The following EPC1 variants were observed in gnomAD, a reference collection of about 807,000 sequenced individuals.
The protein encoded by EPC1 is enhancer of polycomb 1, also known as enhancer of polycomb homolog 1.
A neutral mutation model predicts 98.4 loss-of-function variants in EPC1; 12 were observed. That is an observed-to-expected ratio of 0.12 (90% confidence interval 0.08 to 0.20). The LOEUF (loss-of-function observed/expected upper bound fraction) is 0.20. Among genes scored for constraint, EPC1 ranks in the 10% least tolerant of loss-of-function variants. The probability of loss-of-function intolerance (pLI) is 1.00; values close to 1 mark genes in which losing one functional copy is unlikely to be tolerated. For synonymous variants in EPC1, 357 were observed against 363.9 expected, an observed-to-expected ratio of 0.98 and a Z score of 0.21; for missense variants, 729 against 990.5, an observed-to-expected ratio of 0.74 and a Z score of 3.54.
intron 2 of EPC1, among the ~76,000 whole-genome samples, chr10:32,300,783 C>T (rs113968227): frequency 2.6e-5 from 4 of 151,970 alleles, no homozygotes; most frequent in African/African-American, 4.8e-5. Flanking sequence ...TATTGTTGTG[C>T]GAACTGTCCC....
intron 2 of EPC1, among the ~76,000 whole-genome samples, chr10:32,295,492 TTCTAGATGTTAACA>T (rs1419614386): frequency 1.3e-5 from 2 of 152,190 alleles, no homozygotes; most frequent in African/African-American, 4.8e-5. Context: ...CTATAAAAAT[TTCTAGATGTTAACA>T]TCTCTGTACT....
intron 1 of EPC1, among the ~76,000 whole-genome samples, chr10:32,372,894 G>A (rs1453720964): frequency 1.3e-5 from 2 of 152,064 alleles, no homozygotes; most frequent in East Asian, 3.9e-4. Flanking sequence ...TGTGGTGGCG[G>A]GCGCCTGTAA....
chr10:32,358,332 C>G (rs1828808116), intron 1 of EPC1, among the ~76,000 whole-genome samples: 1 of 152,092 alleles, frequency 6.6e-6, no homozygotes, highest in South Asian at 2.1e-4. Flanking sequence ...CTGAATAGTA[C>G]TTTTAAAATA....
chr10:32,343,697 G>GC (rs1554824222), intron 1 of EPC1, among the ~76,000 whole-genome samples: 1 of 151,112 alleles, frequency 6.6e-6, no homozygotes, highest in Admixed American at 6.6e-5. Context: ...ATTATTTTGG[G>GC]GGGGGGGTGT....
At chr10:32,356,194 C>T (rs1254401228) in intron 1 of EPC1, among the ~76,000 whole-genome samples, 7 of 152,146 alleles carry the variant, frequency 4.6e-5, no homozygotes, top group Admixed American at 3.9e-4. Context: ...TGTTTTCTTA[C>T]TGAAACTTGG....
At chr10:32,312,512 AT>A (rs937029486) in intron 1 of EPC1, among the ~76,000 whole-genome samples, 29 of 151,868 alleles carry the variant, frequency 1.9e-4, no homozygotes, top group Admixed American at 2.6e-4. Flanking sequence ...CCCTACCTTT[AT>A]TTTTTCATAG....
chr10:32,349,246 A>C (rs777849238), upstream of EPC1, among the ~76,000 whole-genome samples: 3 of 152,250 alleles, frequency 2.0e-5, no homozygotes, highest in Admixed American at 6.5e-5. Flanking sequence ...TCAAGAGTGA[A>C]CCAAGGAAAT....
upstream of EPC1, among the ~76,000 whole-genome samples, chr10:32,351,112 G>C (rs898920557): frequency 1.3e-5 from 2 of 152,154 alleles, no homozygotes; most frequent in African/African-American, 4.8e-5. Flanking sequence ...CAGAGGCTCT[G>C]GGTCCCTGGG....
At chr10:32,371,630 G>T (rs866855627) in intron 1 of EPC1, among the ~76,000 whole-genome samples, 2 of 152,158 alleles carry the variant, frequency 1.3e-5, no homozygotes, top group African/African-American at 4.8e-5. Context: ...CAGGCGCGGT[G>T]GCTCACCCCT....
intron 2 of EPC1, among the ~76,000 whole-genome samples, chr10:32,301,891 T>C (rs1338526286): frequency 1.3e-5 from 2 of 151,806 alleles, no homozygotes; most frequent in African/African-American, 4.8e-5. Flanking sequence ...ACGAGGAAAA[T>C]TGAGAAACTG....
At chr10:32,372,885 G>T (rs112834445) in intron 1 of EPC1, among the ~76,000 whole-genome samples, 3,767 of 152,252 alleles carry the variant, frequency 0.025, 146 homozygotes, top group African/African-American at 0.084. Flanking sequence ...TTAGCTGGGT[G>T]TGGTGGCGGG....
chr10:32,293,617 C>A lies in EPC1; in HGVS notation c.434G>T (p.Arg145Leu). ...CPLQFEEMIDRLEKGSGQQPV... is the reference protein window; with the variant it reads ...CPLQFEEMIDLLEKGSGQQPV... The stretch of plus-strand genomic sequence containing the variant: ...CTGCTGACCACTGCCTTTTTCTAGG[C>A]GGTCAATCATCTCCTCAAATTGCAA... Residue 145 changes from arginine to leucine, a missense_variant, in exon 3 of 14, where the codon CGC (arginine) becomes CTC (leucine). Physicochemically the swap from Arg to Leu is moderately radical, Grantham distance 102. Coordinates refer to ENST00000319778, the MANE Select transcript of EPC1 (RefSeq NM_001272004.3). The A allele has an allele frequency of 1.2e-6, 2 of 1,613,136 alleles. No individual in the cohort carries two copies. The highest frequency in any genetic ancestry group is 1.7e-6 in the Non-Finnish European group (2 of 1,179,632).
chr10:32,373,018 C>T (rs191209989), intron 1 of EPC1, among the ~76,000 whole-genome samples: 30 of 152,198 alleles, frequency 2.0e-4, no homozygotes, highest in Admixed American at 4.6e-4. Flanking sequence ...GAGCGAAACT[C>T]GGTTTAAATA....
intron 13 of EPC1, among the ~76,000 whole-genome samples, chr10:32,270,260 G>A (rs1275763102): frequency 6.6e-6 from 1 of 152,098 alleles, no homozygotes; most frequent in African/African-American, 2.4e-5. Context: ...AGTATATAAT[G>A]CTTTGTGATA....
Position 32,327,062 on chromosome 10 carries a change from GACAC to G in EPC1, c.153+19697_153+19700del, listed in dbSNP as rs57395657. 4.8e-3 allele frequency among the ~76,000 whole-genome samples: 678 copies of G among 142,350 alleles called. 5 individuals are homozygous for G. The highest frequency in any genetic ancestry group is 0.015 in the African/African-American group (586 of 37,988). 93.4% of individuals were successfully genotyped at this position (142,350 alleles called of 152,430 possible). The stretch of plus-strand genomic sequence containing the variant: ...AATAGATGAATGAAGAAAATGTGGT[GACAC>G]ACACACACACACACACACACACACT... On this transcript the variant is annotated intron_variant, in intron 1 of 13. Transcript: ENST00000319778.
At chr10:32,278,880 C>G (rs546813947) in intron 10 of EPC1, among the ~76,000 whole-genome samples, 300 of 152,236 alleles carry the variant, frequency 2.0e-3, no homozygotes, top group Middle Eastern at 3.4e-3. Context: ...ATGACCAGAC[C>G]TGACCTCATC....
intron 1 of EPC1, among the ~76,000 whole-genome samples, chr10:32,310,218 T>C (rs1478103606): frequency 2.0e-5 from 3 of 152,080 alleles, no homozygotes; most frequent in East Asian, 3.9e-4. Flanking sequence ...ATAAAGAACA[T>C]GGATTTTGTA....
chr10:32,368,950 G>A (rs1295295237), intron 1 of EPC1, among the ~76,000 whole-genome samples: 17 of 152,188 alleles, frequency 1.1e-4, no homozygotes, highest in Admixed American at 1.1e-3. Context: ...TGAGGGTCTG[G>A]ACAATTGGTA....
At chr10:32,277,787 T>G (rs1430638004) in intron 10 of EPC1, among the ~76,000 whole-genome samples, 1 of 152,168 alleles carries the variant, frequency 6.6e-6, no homozygotes, top group African/African-American at 2.4e-5. Context: ...CAGGCTGGTC[T>G]TGAACTCCTT....
Sources: allele counts gnomAD v4.1 joint callset (sites outside exome capture counted in the v4.1 genomes callset), GRCh38; gene constraint gnomAD v4.1.1; transcripts MANE v1.5; gene names NCBI Gene and HGNC (gene_info 2026-07-23, HGNC 2026-07-21).